CCDC148: variants seen among roughly 807,000 people sequenced by gnomAD.
CCDC148 encodes coiled-coil domain-containing protein 148.
Under a neutral mutation model 85.7 loss-of-function variants are expected in CCDC148, and 89 were observed. The observed-to-expected ratio is 1.04, with a 90% CI of 0.87 to 1.24. The LOEUF is 1.24. CCDC148 is among the 50% of genes most tolerant of loss of function. The pLI is 0.00. For synonymous variants in CCDC148, 230 were observed against 213.9 expected (o/e 1.08, Z -0.66); for missense variants, 692 against 671.7 (o/e 1.03, Z -0.33).
intron 9 of CCDC148, among the ~76,000 whole-genome samples, chr2:158,257,345 A>G (rs1225668081): frequency 6.6e-6 from 1 of 151,864 alleles, no homozygotes; most frequent in Non-Finnish European, 1.5e-5. Flanking sequence ...TAAGCTTCTA[A>G]ATTCAGTTCA....
intron 1 of CCDC148, among the ~76,000 whole-genome samples, chr2:158,409,811 C>T (rs945591491): frequency 2.0e-5 from 3 of 152,022 alleles, no homozygotes; most frequent in African/African-American, 4.8e-5. Flanking sequence ...TTGAATTGTA[C>T]TCCCATAATT....
chr2:158,198,897 G>A (rs1183017417), intron 11 of CCDC148, among the ~76,000 whole-genome samples: 1 of 152,132 alleles, frequency 6.6e-6, no homozygotes, highest in Non-Finnish European at 1.5e-5. Context: ...TTATGATGAG[G>A]GAAATCAAAC....
At chr2:158,406,921 C>A (rs1262479585) in intron 1 of CCDC148, among the ~76,000 whole-genome samples, 1 of 152,026 alleles carries the variant, frequency 6.6e-6, no homozygotes, top group African/African-American at 2.4e-5. Flanking sequence ...CCACGCTCAG[C>A]CTGGCACATT....
chr2:158,234,629 T>C lies in CCDC148; in HGVS notation c.1252-13916A>G, dbSNP rs570470013. ...TCACAACCTTAAAAGGGTGAAAAAT[T>C]GGAAACAATGTAATGATCCCAAGTT... On this transcript the variant is annotated intron_variant, in intron 10 of 13. Coordinates refer to ENST00000283233, the MANE Select transcript of CCDC148 (RefSeq NM_138803.4). Among the ~76,000 whole-genome samples the C allele has an allele frequency of 1.8e-4, 28 of 152,230 alleles. 1 individual carries two copies. The highest frequency in any genetic ancestry group is 9.8e-4 in the Admixed American group (15 of 15,270).
At chr2:158,332,526 A>C (rs2105234007) in intron 7 of CCDC148, among the ~76,000 whole-genome samples, 1 of 146,684 alleles carries the variant, frequency 6.8e-6, no homozygotes, top group East Asian at 2.0e-4. Flanking sequence ...AGGTTTTGGT[A>C]TCAGGATGAT....
At chr2:158,240,166 T>C (rs371860642) in intron 10 of CCDC148, among the ~76,000 whole-genome samples, 1 of 151,830 alleles carries the variant, frequency 6.6e-6, no homozygotes, top group African/African-American at 2.4e-5. Context: ...CAAGCCCAAG[T>C]TGGTGTTCAG....
intron 9 of CCDC148, among the ~76,000 whole-genome samples, chr2:158,279,241 C>T (rs891697253): frequency 4.6e-5 from 7 of 152,166 alleles, no homozygotes; most frequent in Non-Finnish European, 7.3e-5. Flanking sequence ...TCCAAAGGAT[C>T]GCAGTTCCTC....
At chr2:158,285,968 A>C (rs1295466227) in intron 9 of CCDC148, among the ~76,000 whole-genome samples, 1 of 152,200 alleles carries the variant, frequency 6.6e-6, no homozygotes, top group Non-Finnish European at 1.5e-5. Context: ...AAAAATAAGT[A>C]AAAGGTATAA....
chr2:158,180,294 TC>T (rs1684833380), intron 11 of CCDC148, among the ~76,000 whole-genome samples: 1 of 152,192 alleles, frequency 6.6e-6, no homozygotes, highest in South Asian at 2.1e-4. Flanking sequence ...ATGTTTTAGG[TC>T]ATTTAGACCT....
chr2:158,345,884 A>G (rs980843340), intron 2 of CCDC148, among the ~76,000 whole-genome samples: 5 of 152,232 alleles, frequency 3.3e-5, no homozygotes, highest in Non-Finnish European at 7.3e-5. Context: ...TTCAACACTT[A>G]CTAGAAATAT....
At chr2:158,189,397 C>G (rs1039526404) in intron 11 of CCDC148, among the ~76,000 whole-genome samples, 1 of 151,852 alleles carries the variant, frequency 6.6e-6, no homozygotes. Context: ...AACAAGAGGA[C>G]ATGTATCTAG....
At chr2:158,318,896 C>G (rs530309029) in intron 7 of CCDC148, among the ~76,000 whole-genome samples, 1 of 152,030 alleles carries the variant, frequency 6.6e-6, no homozygotes, top group South Asian at 2.1e-4. Flanking sequence ...TAGCCTCCCA[C>G]AGAGCTGGGA....
chr2:158,314,027 C>A, intron 7 of CCDC148, 133 bp from the exon 8 acceptor site: 1 of 745,798 alleles, frequency 1.3e-6, no homozygotes, highest in Non-Finnish European at 2.0e-6. Flanking sequence ...ATACATTAGC[C>A]AAATTTAATG....
chr2:158,266,141 A>G (rs900294345), intron 9 of CCDC148, among the ~76,000 whole-genome samples: 18 of 152,176 alleles, frequency 1.2e-4, no homozygotes, highest in Admixed American at 1.1e-3. Context: ...CCATGCCTCA[A>G]GCCTTTCATT....
chr2:158,177,730 A>T (rs1365627023), intron 12 of CCDC148, among the ~76,000 whole-genome samples: 1 of 152,128 alleles, frequency 6.6e-6, no homozygotes, highest in Non-Finnish European at 1.5e-5. Context: ...TTATCTTTAT[A>T]ATCTTTTTTT....
chr2:158,392,329 CT>C (rs1390517145), intron 1 of CCDC148, among the ~76,000 whole-genome samples: 1 of 152,086 alleles, frequency 6.6e-6, no homozygotes, highest in Non-Finnish European at 1.5e-5. Flanking sequence ...TGGTCTGTAA[CT>C]TTTTTATTAC....
At chr2:158,426,068 T>TAAAAAAAAAAAAAAA in intron 1 of CCDC148, among the ~76,000 whole-genome samples, 1 of 150,540 alleles carries the variant, frequency 6.6e-6, no homozygotes, top group Non-Finnish European at 1.5e-5. Context: ...TGATGTTAAT[T>TAAAAAAAAAAAAAAA]CTCTTAGTAA....
At chr2:158,395,004 CAG>C (rs1261088764) in intron 1 of CCDC148, among the ~76,000 whole-genome samples, 4 of 151,988 alleles carry the variant, frequency 2.6e-5, no homozygotes, top group African/African-American at 7.2e-5. Context: ...TAATTATTGA[CAG>C]AGTCTGTTCC....
Position 158,202,748 on chromosome 2 carries a change from T to G in CCDC148, c.1370+17847A>C, listed in dbSNP as rs142232383. Among the ~76,000 whole-genome samples the G allele has an allele frequency of 6.3e-3, 965 of 152,356 alleles. 13 individuals are homozygous for G. The highest frequency in any genetic ancestry group is 0.022 in the African/African-American group (928 of 41,584). ...TAATTTCTACACAACACAAATTCTT[T>G]TTTATCTTCTTTTTTTGACCATTTA... On this transcript the variant is annotated intron_variant, in intron 11 of 13. Coordinates refer to ENST00000283233, the MANE Select transcript of CCDC148 (RefSeq NM_138803.4).
Sources: gnomAD v4.1 joint callset for allele counts (sites outside exome capture counted in the v4.1 genomes callset) on GRCh38, gnomAD v4.1.1 for gene constraint, MANE v1.5 for transcripts, NCBI Gene and HGNC (gene_info 2026-07-23, HGNC 2026-07-21) for gene names.